Variants in LOXL2 observed in about 807,000 individuals in gnomAD.
LOXL2 encodes lysyl oxidase like 2, also known as lysyl oxidase homolog 2.
In LOXL2, 70 loss-of-function variants were observed where a neutral mutation model predicts 93.0. That is an observed-to-expected ratio of 0.75 (90% CI 0.62 to 0.92). The LOEUF is 0.92. Among genes scored for constraint, LOXL2 ranks in the 40% least tolerant of loss-of-function variants. The pLI, the probability that LOXL2 is intolerant of heterozygous loss-of-function variation, is 0.00. For missense variants in LOXL2, 973 were observed against 1,054.9 expected (o/e 0.92, Z 1.08); for synonymous variants, 438 against 413.2 (o/e 1.06, Z -0.73).
chr8:23,340,232 CTG>C (rs1803859694), intron 4 of LOXL2, among the ~76,000 whole-genome samples: 1 of 152,162 alleles, frequency 6.6e-6, no homozygotes, highest in African/African-American at 2.4e-5. Context: ...GATTAAATGA[CTG>C]AGAATAGTGC....
chr8:23,375,748 T>C (rs1277035947), intron 1 of LOXL2, among the ~76,000 whole-genome samples: 1 of 131,494 alleles, frequency 7.6e-6, no homozygotes, highest in Non-Finnish European at 1.7e-5. Context: ...CTCTCTGTTA[T>C]TGGTGTGTAA....
chr8:23,330,096 C>CGG (rs567423863), intron 5 of LOXL2, among the ~76,000 whole-genome samples: 37 of 152,250 alleles, frequency 2.4e-4, no homozygotes, highest in African/African-American at 8.2e-4. Context: ...GAGGCCAAGG[C>CGG]GGGTGGATCA....
chr8:23,374,320 G>A (rs1257171463), intron 1 of LOXL2, among the ~76,000 whole-genome samples: 1 of 152,076 alleles, frequency 6.6e-6, no homozygotes, highest in Non-Finnish European at 1.5e-5. Flanking sequence ...TGGTGTATAT[G>A]TGCCACATTT....
At chr8:23,392,553 A>C (rs944414046) in intron 1 of LOXL2, among the ~76,000 whole-genome samples, 6 of 152,110 alleles carry the variant, frequency 3.9e-5, no homozygotes, top group Admixed American at 6.6e-5. Flanking sequence ...TTAAAGAATG[A>C]TTCTAATAGT....
intron 3 of LOXL2, among the ~76,000 whole-genome samples, chr8:23,358,536 C>T (rs898375266): frequency 1.1e-4 from 17 of 152,298 alleles, no homozygotes; most frequent in Middle Eastern, 3.4e-3. Flanking sequence ...GGGGCAGATC[C>T]CATAATCCCT....
At position 23,302,173 on chromosome 8, in the gene LOXL2, G is replaced by C; in HGVS notation, c.1997-10C>G. 1 of 1,613,848 alleles carries C rather than the reference G, an allele frequency of 6.2e-7. No homozygotes were observed. The highest frequency in any genetic ancestry group is 8.5e-7 in the Non-Finnish European group (1 of 1,179,746). ...TAATTCTTCTGGATGTCTGCGGGCA[G>C]GGTAGAGGAGAGCTCATCACCAGGG... On this transcript the variant is annotated splice_polypyrimidine_tract_variant and intron_variant, in intron 11 of 13. Coordinates refer to ENST00000389131, the MANE Select transcript of LOXL2 (RefSeq NM_002318.3).
At position 23,360,144 on chromosome 8, in the gene LOXL2, G is replaced by A. The variant is rs376127159; in HGVS notation, c.477C>T (p.Ser159=). The A allele has an allele frequency of 3.3e-5, 54 of 1,613,000 alleles. No homozygotes were observed. The highest frequency in any genetic ancestry group is 2.2e-4 in the Admixed American group (13 of 60,000). ...ATTTGAACCCAGGAATCCTTTTGTC[G>A]CTGCACACCACACCGACATCCTCCG... ...KHTEDVGVVC[S]DKRIPGFKFD... Residue 159 remains serine (S), a synonymous_variant, in exon 3 of 14, where the codon AGC becomes AGT. Coordinates refer to ENST00000389131, the MANE Select transcript of LOXL2 (RefSeq NM_002318.3).
intron 1 of LOXL2, among the ~76,000 whole-genome samples, chr8:23,383,558 G>T (rs1804708708): frequency 6.6e-6 from 1 of 151,350 alleles, no homozygotes; most frequent in East Asian, 1.9e-4. Flanking sequence ...TGGAATGCAA[G>T]CTAACAAATT....
At chr8:23,369,799 C>T (rs76995250) in intron 1 of LOXL2, among the ~76,000 whole-genome samples, 3,691 of 152,172 alleles carry the variant, frequency 0.024, 148 homozygotes, top group African/African-American at 0.084. Flanking sequence ...TCCTGACCAA[C>T]GGACCAACGC....
intron 10 of LOXL2, among the ~76,000 whole-genome samples, chr8:23,307,446 C>T (rs1485181812): frequency 6.6e-6 from 1 of 152,126 alleles, no homozygotes; most frequent in African/African-American, 2.4e-5. Flanking sequence ...AAATAGACCA[C>T]AGGAAAAGTG....
chr8:23,321,352 A>G (rs895249235), intron 7 of LOXL2, among the ~76,000 whole-genome samples: 2 of 152,168 alleles, frequency 1.3e-5, no homozygotes, highest in Non-Finnish European at 2.9e-5. Flanking sequence ...GAATCTGGAC[A>G]CTTCATGCAC....
chr8:23,310,283 AG>A (rs1803303811), intron 9 of LOXL2, among the ~76,000 whole-genome samples: 1 of 152,242 alleles, frequency 6.6e-6, no homozygotes, highest in South Asian at 2.1e-4. Flanking sequence ...AGTGGCTTCA[AG>A]TTTTCCATAA....
intron 1 of LOXL2, among the ~76,000 whole-genome samples, chr8:23,388,442 G>A (rs1027730157): frequency 6.6e-6 from 1 of 151,886 alleles, no homozygotes; most frequent in Admixed American, 6.6e-5. Context: ...TAATTGGCTG[G>A]GCATGGTAGC....
At chr8:23,346,146 T>TAAAAAAAAGAAA (rs1364307667) in intron 3 of LOXL2, among the ~76,000 whole-genome samples, 1 of 78,046 alleles carries the variant, frequency 1.3e-5, no homozygotes, top group African/African-American at 3.6e-5. Flanking sequence ...ATAAAATAAA[T>TAAAAAAAAGAAA]AAAATAAAAT....
intron 1 of LOXL2, among the ~76,000 whole-genome samples, chr8:23,379,598 C>CCA (rs1469718869): frequency 2.0e-5 from 3 of 152,166 alleles, no homozygotes; most frequent in African/African-American, 7.2e-5. Context: ...TTCGAGCTTC[C>CCA]CAGTCCCTTT....
chr8:23,351,238 C>T (rs775701288), intron 3 of LOXL2, among the ~76,000 whole-genome samples: 1 of 152,236 alleles, frequency 6.6e-6, no homozygotes, highest in Admixed American at 6.5e-5. Flanking sequence ...TGACACCCAG[C>T]ATGGCTGAGG....
At chr8:23,371,216 T>C (rs1804487564) in intron 1 of LOXL2, 1 of 151,842 alleles carries the variant, frequency 6.6e-6, no homozygotes, top group African/African-American at 2.4e-5. Context: ...AGAACGAAGG[T>C]AAAATAAGGA....
rs746485574 is a variant in LOXL2 at position 23,385,997 on chromosome 8, C to T, written c.-83-17563G>A. 40 of 765,294 alleles carry T rather than the reference C, an allele frequency of 5.2e-5. No individual in the cohort carries two copies. In the Admixed American group the frequency reaches 6.8e-4, roughly 13 times the overall value. The allele number at this position is 765,294 out of a possible 1,614,324, so 47.4% of individuals were successfully genotyped here. A position where few individuals can be genotyped will look rare whatever the true frequency, so the allele number is the denominator to read the frequency against. ...GTGGTGGCTGCCATACTGCACAACA[C>T]AGCTTTGGACAACCCCCTGAGCAAG... On this transcript the variant is annotated intron_variant, in intron 1 of 13. Transcript: ENST00000389131.
At chr8:23,398,101 T>G (rs1800116824) in intron 1 of LOXL2, among the ~76,000 whole-genome samples, 1 of 152,222 alleles carries the variant, frequency 6.6e-6, no homozygotes. Flanking sequence ...ATACTGTGTT[T>G]ACCTTGGTAC....
Sources: gnomAD v4.1 joint callset for allele counts (sites outside exome capture counted in the v4.1 genomes callset) on GRCh38, gnomAD v4.1.1 for gene constraint, MANE v1.5 for transcripts, NCBI Gene and HGNC (gene_info 2026-07-23, HGNC 2026-07-21) for gene names.